KSR1: variants seen among roughly 807,000 people sequenced by gnomAD.
KSR1 encodes kinase suppressor of ras.
Under a neutral mutation model 92.9 loss-of-function variants are expected in KSR1, and 35 were observed. That is an observed-to-expected ratio of 0.38 (90% confidence interval 0.29 to 0.50). The LOEUF is 0.50. Among genes scored for constraint, KSR1 ranks in the 20% least tolerant of loss-of-function variants. The probability of loss-of-function intolerance (pLI) is 0.94; values close to 1 mark genes in which losing one functional copy is unlikely to be tolerated. For missense variants in KSR1, 972 were observed against 1,158.5 expected, an observed-to-expected ratio of 0.84 and a Z score of 2.34; for synonymous variants, 467 against 472.6, an observed-to-expected ratio of 0.99 and a Z score of 0.15.
At chr17:27,592,974 G>A (rs1277263063) in intron 9 of KSR1, among the ~76,000 whole-genome samples, 6 of 152,204 alleles carry the variant, frequency 3.9e-5, no homozygotes, top group Admixed American at 3.3e-4. Context: ...ACAGCATCCC[G>A]AGAGCAAGAG....
chr17:27,547,020 CTG>C (rs1212732969), intron 1 of KSR1, among the ~76,000 whole-genome samples: 1 of 152,140 alleles, frequency 6.6e-6, no homozygotes, highest in Non-Finnish European at 1.5e-5. Flanking sequence ...GACATAAAAA[CTG>C]TACAGTTGAG....
chr17:27,490,689 C>T (rs575836028), intron 1 of KSR1, among the ~76,000 whole-genome samples: 18 of 152,198 alleles, frequency 1.2e-4, no homozygotes, highest in African/African-American at 3.6e-4. Flanking sequence ...CCTTTTTGGA[C>T]GGTAATTGAT....
intron 1 of KSR1, among the ~76,000 whole-genome samples, chr17:27,519,668 G>T (rs932771209): frequency 2.0e-5 from 3 of 152,200 alleles, no homozygotes; most frequent in Non-Finnish European, 2.9e-5. Context: ...GTTTAGAGCT[G>T]CCAGATTTGT....
At chr17:27,623,115 G>A in intron 20 of KSR1, 199 bp from the exon 21 acceptor site, 1 of 611,508 alleles carries the variant, frequency 1.6e-6, no homozygotes, top group Non-Finnish European at 2.9e-6. Context: ...GCTGCTCCAA[G>A]TAGGACTACT....
At chr17:27,538,159 C>T (rs912193896) in intron 1 of KSR1, among the ~76,000 whole-genome samples, 12 of 152,156 alleles carry the variant, frequency 7.9e-5, no homozygotes, top group Non-Finnish European at 1.8e-4. Flanking sequence ...GAAACATTAG[C>T]GGTAGAAGGA....
intron 1 of KSR1, among the ~76,000 whole-genome samples, chr17:27,536,832 A>C (rs1406777024): frequency 6.6e-6 from 1 of 152,260 alleles, no homozygotes; most frequent in African/African-American, 2.4e-5. Context: ...CACAGTAGTC[A>C]GGACTCTAGG....
intron 1 of KSR1, among the ~76,000 whole-genome samples, chr17:27,549,182 G>A (rs1002087967): frequency 6.6e-6 from 1 of 152,230 alleles, no homozygotes; most frequent in East Asian, 1.9e-4. Context: ...GCAGGGTTGA[G>A]AAGTGTCTCC....
intron 1 of KSR1, among the ~76,000 whole-genome samples, chr17:27,530,724 A>G (rs1224331769): frequency 6.6e-6 from 1 of 152,236 alleles, no homozygotes; most frequent in Non-Finnish European, 1.5e-5. Flanking sequence ...AAGGAAGAAA[A>G]TAATTACCTA....
intron 1 of KSR1, among the ~76,000 whole-genome samples, chr17:27,479,602 A>G (rs1272638123): frequency 6.6e-6 from 1 of 152,094 alleles, no homozygotes; most frequent in African/African-American, 2.4e-5. Context: ...AGACCCCTTC[A>G]TCTCCTTCAA....
intron 1 of KSR1, among the ~76,000 whole-genome samples, chr17:27,473,047 G>T (rs1050532197): frequency 2.6e-5 from 4 of 152,160 alleles, no homozygotes; most frequent in Non-Finnish European, 5.9e-5. Flanking sequence ...GGGACCACAG[G>T]TGTATGCCAC....
At chr17:27,566,722 A>G (rs2072090818) in intron 2 of KSR1, 1 of 396,664 alleles carries the variant, frequency 2.5e-6, no homozygotes, top group African/African-American at 2.1e-5. Flanking sequence ...TTGTTTCATG[A>G]CTTCATTCGC....
intron 1 of KSR1, among the ~76,000 whole-genome samples, chr17:27,523,040 T>C (rs2070106634): frequency 6.6e-6 from 1 of 152,080 alleles, no homozygotes; most frequent in Non-Finnish European, 1.5e-5. Context: ...GGAGTGTAAA[T>C]TGGTACAACT....
intron 1 of KSR1, among the ~76,000 whole-genome samples, chr17:27,528,342 C>T (rs1024825183): frequency 3.3e-5 from 5 of 151,976 alleles, no homozygotes; most frequent in African/African-American, 1.2e-4. Flanking sequence ...GCTGGGATTA[C>T]GGGTGTGAAC....
In KSR1 at chr17:27,603,860, C is replaced by T. The variant is rs1331097770; in HGVS notation, c.1537C>T (p.Pro513Ser). The T allele has an allele frequency of 6.2e-7, 1 of 1,613,840 alleles. No individual in the cohort carries two copies. Among genetic ancestry groups the T allele is most frequent in the Non-Finnish European group, 8.5e-7 (1 of 1,179,886 alleles). Reference protein sequence around the residue: ...PDISAFAHAAPLPEAADGTRL... With the variant: ...PDISAFAHAASLPEAADGTRL... ...CATTTCAGCCTTTGCACACGCAGCC[C>T]CGCTCCCTGAAGCTGCCGACGGTAC... The change falls in exon 12 of 21, where the codon CCG (proline) becomes TCG (serine). Residue 513 changes from proline (P) to serine (S), a missense_variant. Physicochemically the swap from Pro to Ser is moderately conservative, Grantham distance 74 (BLOSUM62 -1). Coordinates refer to ENST00000644974, the MANE Select transcript of KSR1 (RefSeq NM_001394583.1).
intron 1 of KSR1, among the ~76,000 whole-genome samples, chr17:27,517,825 C>G (rs1008723958): frequency 6.6e-6 from 1 of 152,018 alleles, no homozygotes; most frequent in Non-Finnish European, 1.5e-5. Context: ...GCAGTTGGGT[C>G]CCTATGTTAT....
chr17:27,464,272 G>A (rs2019575859), intron 1 of KSR1, among the ~76,000 whole-genome samples: 1 of 152,168 alleles, frequency 6.6e-6, no homozygotes, highest in South Asian at 2.1e-4. Context: ...TGTCACGGGT[G>A]GACCTTTTTT....
rs1302931321 is a variant in KSR1 at position 27,625,881 on chromosome 17, C to T, written c.*2489C>T. 1.3e-5 allele frequency: 2 copies of T among 152,274 alleles called. No homozygotes were observed. The highest frequency in any genetic ancestry group is 2.9e-5 in the Non-Finnish European group (2 of 68,108). 9.4% of individuals were successfully genotyped at this position (152,274 alleles called of 1,614,324 possible). On this transcript the variant is annotated 3_prime_UTR_variant, in exon 21 of 21. Transcript: ENST00000644974. Reference sequence around the variant, plus strand: ...CAGTTTCCAGCCTCACCTCTGAAGCCCTGCTGCCTTTAACCACCAGAGCCG... The same window carrying T: ...CAGTTTCCAGCCTCACCTCTGAAGCTCTGCTGCCTTTAACCACCAGAGCCG...
chr17:27,477,640 C>G (rs1166032696), intron 1 of KSR1, among the ~76,000 whole-genome samples: 1 of 152,126 alleles, frequency 6.6e-6, no homozygotes, highest in African/African-American at 2.4e-5. Flanking sequence ...CCACTTCCGG[C>G]CCATCCCTCC....
chr17:27,603,867 C>G lies in KSR1; in HGVS notation c.1544C>G (p.Pro515Arg), dbSNP rs1417998594. Residue 515 changes from proline to arginine, a missense_variant, in exon 12 of 21, where the codon CCT becomes CGT. This residue lies in a region of KSR1 where 611 missense variants were observed against 668.0 expected (regional missense o/e 0.91). Coordinates refer to ENST00000644974, the MANE Select transcript of KSR1 (RefSeq NM_001394583.1). Reference sequence around the variant, plus strand: ...GCCTTTGCACACGCAGCCCCGCTCCCTGAAGCTGCCGACGGTACCCGGTAG... The same window carrying G: ...GCCTTTGCACACGCAGCCCCGCTCCGTGAAGCTGCCGACGGTACCCGGTAG... ...ISAFAHAAPLPEAADGTRLDD... is the reference protein window; with the variant it reads ...ISAFAHAAPLREAADGTRLDD... 6.2e-7 allele frequency: 1 copy of G among 1,614,002 alleles called. No individual in the cohort carries two copies. The highest frequency in any genetic ancestry group is 1.7e-5 in the Admixed American group (1 of 60,018).
Sources: gnomAD v4.1 joint callset for allele counts (sites outside exome capture counted in the v4.1 genomes callset) on GRCh38, gnomAD v4.1.1 for gene constraint, gnomAD v4.1.1 regional missense constraint, MANE v1.5 for transcripts, NCBI Gene and HGNC (gene_info 2026-07-23, HGNC 2026-07-21) for gene names.